HCN1: variants seen among roughly 807,000 people sequenced by gnomAD.
HCN1 encodes the protein hyperpolarization activated cyclic nucleotide gated potassium channel 1, also known as potassium/sodium hyperpolarization-activated cyclic nucleotide-gated channel 1.
In HCN1, 13 loss-of-function variants were observed where a neutral mutation model predicts 78.9. That is an observed-to-expected ratio of 0.16 (90% confidence interval 0.11 to 0.26). The LOEUF is 0.26. Among genes scored for constraint, HCN1 ranks in the 10% least tolerant of loss-of-function variants. The pLI is 1.00. For synonymous variants in HCN1, 552 were observed against 455.5 expected (o/e 1.21, Z -2.70); for missense variants, 810 against 1,154.3 (o/e 0.70, Z 4.32).
chr5:45,665,566 G>T (rs184213175), intron 1 of HCN1, among the ~76,000 whole-genome samples: 2 of 151,980 alleles, frequency 1.3e-5, no homozygotes, highest in Admixed American at 1.3e-4. Flanking sequence ...AACTTGTGAA[G>T]AAATAAATTC....
chr5:45,395,967 A>C (rs1441857715), intron 4 of HCN1, among the ~76,000 whole-genome samples: 1 of 152,176 alleles, frequency 6.6e-6, no homozygotes, highest in Non-Finnish European at 1.5e-5. Flanking sequence ...GCATCACAGC[A>C]GTTGTTATAT....
At chr5:45,430,794 C>G (rs1480754497) in intron 3 of HCN1, among the ~76,000 whole-genome samples, 1 of 152,044 alleles carries the variant, frequency 6.6e-6, no homozygotes, top group Non-Finnish European at 1.5e-5. Flanking sequence ...TGGACTCCAG[C>G]CTGGGCGACA....
Position 45,261,829 on chromosome 5 carries a change from A to C in HCN1, c.*92T>G. ...CTAAAATATCTCTTCATAGTAGGCTAGAGGGATCTATCAGGAGATAGAATA... is the reference window on the plus strand; with the variant it reads ...CTAAAATATCTCTTCATAGTAGGCTCGAGGGATCTATCAGGAGATAGAATA... On this transcript the variant is annotated 3_prime_UTR_variant, in exon 8 of 8. Transcript: ENST00000303230. 3 of 1,486,308 alleles carry C rather than the reference A, an allele frequency of 2.0e-6. No homozygotes were observed. The highest frequency in any genetic ancestry group is 2.8e-6 in the Non-Finnish European group (3 of 1,070,742). The allele number at this position is 1,486,308 out of a possible 1,614,324, so 92.1% of individuals were successfully genotyped here.
intron 2 of HCN1, chr5:45,643,066 G>A (rs1465519452): frequency 6.6e-6 from 1 of 152,060 alleles, no homozygotes; most frequent in African/African-American, 2.4e-5. Flanking sequence ...GTCTGTAAGT[G>A]CATATTAAAT....
At chr5:45,514,898 T>C (rs1479724600) in intron 2 of HCN1, among the ~76,000 whole-genome samples, 1 of 152,104 alleles carries the variant, frequency 6.6e-6, no homozygotes, top group African/African-American at 2.4e-5. Context: ...TTTCTTTCTG[T>C]TGAATTGAAA....
chr5:45,383,416 C>G (rs1747846215), intron 4 of HCN1, among the ~76,000 whole-genome samples: 1 of 152,136 alleles, frequency 6.6e-6, no homozygotes, highest in African/African-American at 2.4e-5. Flanking sequence ...CATGAGGAGG[C>G]TGGGCACGAT....
intron 5 of HCN1, among the ~76,000 whole-genome samples, chr5:45,316,908 TAA>T (rs759138274): frequency 3.9e-5 from 6 of 152,028 alleles, no homozygotes; most frequent in Admixed American, 3.3e-4. Context: ...CTCAACGAAA[TAA>T]AAGAGGATAC....
intron 3 of HCN1, among the ~76,000 whole-genome samples, chr5:45,455,435 A>G (rs1741010572): frequency 1.3e-5 from 2 of 152,074 alleles, no homozygotes; most frequent in Admixed American, 1.3e-4. Context: ...AAAGCATGTT[A>G]GAATGTAAGC....
At chr5:45,293,262 A>AT (rs1429888606) in intron 6 of HCN1, among the ~76,000 whole-genome samples, 1 of 151,942 alleles carries the variant, frequency 6.6e-6, no homozygotes, top group Non-Finnish European at 1.5e-5. Context: ...AGTATCTATA[A>AT]TTTTTTGATA....
rs546861459 is a variant in HCN1 at position 45,390,695 on chromosome 5, C to A, written c.1230+5797G>T. ...TGCCACAGTGGGTTATATCAAAATA[C>A]AAAGTTTGAAAAATCATGGGATATG... is the stretch of plus-strand genomic sequence containing the variant. On this transcript the variant is annotated intron_variant, in intron 4 of 7. Transcript: ENST00000303230. 3.3e-5 allele frequency among the ~76,000 whole-genome samples: 5 copies of A among 152,050 alleles called. No individual in the cohort carries two copies. The South Asian group carries it at 8.3e-4, about 25-fold the overall frequency.
chr5:45,323,268 T>C (rs954485163), intron 5 of HCN1, among the ~76,000 whole-genome samples: 2 of 151,882 alleles, frequency 1.3e-5, no homozygotes, highest in African/African-American at 4.8e-5. Context: ...TCACGAATGA[T>C]GTTCTTATAT....
chr5:45,432,940 T>A lies in HCN1; in HGVS notation c.1011+28906A>T, dbSNP rs375718920. Among the ~76,000 whole-genome samples, 13 of 152,242 alleles carry A rather than the reference T, an allele frequency of 8.5e-5. 1 individual carries two copies. In the South Asian group the frequency reaches 2.3e-3, roughly 27 times the overall value. On this transcript the variant is annotated intron_variant, in intron 3 of 7. Transcript: ENST00000303230. ...AGACAAGGAGCAAAGTCACAATTTA[T>A]GTCTTACATGGAGGCAGGCAAGAGA...
intron 5 of HCN1, among the ~76,000 whole-genome samples, chr5:45,343,761 G>A (rs1437776974): frequency 6.6e-6 from 1 of 151,778 alleles, no homozygotes; most frequent in African/African-American, 2.4e-5. Context: ...ATTGAAATGT[G>A]AGATAATATA....
chr5:45,325,479 T>C (rs1746217783), intron 5 of HCN1, among the ~76,000 whole-genome samples: 1 of 151,674 alleles, frequency 6.6e-6, no homozygotes, highest in Non-Finnish European at 1.5e-5. Flanking sequence ...ATAAAACATA[T>C]AACTCATAAT....
chr5:45,267,585 T>C (rs1744885282), intron 6 of HCN1, among the ~76,000 whole-genome samples: 1 of 151,850 alleles, frequency 6.6e-6, no homozygotes, highest in South Asian at 2.1e-4. Flanking sequence ...CTGGCTAACA[T>C]GGTGAAACCC....
In HCN1 at chr5:45,529,506, A is replaced by C. The variant is rs952805054; in HGVS notation, c.850-67499T>G. On this transcript the variant is annotated intron_variant, in intron 2 of 7. Transcript: ENST00000303230. The stretch of plus-strand genomic sequence containing the variant: ...TCACCTAAAATATGTCAAAGTAATA[A>C]GGAAATATTGTGTAATCTGCAGGGA... 2.0e-5 allele frequency among the ~76,000 whole-genome samples: 3 copies of C among 152,084 alleles called. No homozygotes were observed. The East Asian group carries it at 5.8e-4, about 29-fold the overall frequency.
chr5:45,289,170 A>G (rs551209449), intron 6 of HCN1, among the ~76,000 whole-genome samples: 1 of 152,204 alleles, frequency 6.6e-6, no homozygotes, highest in East Asian at 1.9e-4. Flanking sequence ...TCTTTAGTAT[A>G]AAAATATGAC....
Position 45,499,516 on chromosome 5 carries a change from A to G in HCN1, c.850-37509T>C, listed in dbSNP as rs542120454. Among the ~76,000 whole-genome samples the G allele has an allele frequency of 1.1e-4, 17 of 152,202 alleles. No individual in the cohort carries two copies. In the South Asian group the frequency reaches 1.7e-3, roughly 15 times the overall value. ...CACTCCCTAGTGAGATGAACCCGGT[A>G]CCTCAGATGGAAATGCAGAAATCAC... On this transcript the variant is annotated intron_variant, in intron 2 of 7. Transcript: ENST00000303230.
intron 2 of HCN1, chr5:45,642,314 A>T (rs993474963): frequency 3.3e-5 from 5 of 152,118 alleles, no homozygotes; most frequent in Non-Finnish European, 7.4e-5. Flanking sequence ...TTCCTCCTGT[A>T]TTAACCACTA....
Sources: gnomAD v4.1 joint callset for allele counts (sites outside exome capture counted in the v4.1 genomes callset) on GRCh38, gnomAD v4.1.1 for gene constraint, MANE v1.5 for transcripts, NCBI Gene and HGNC (gene_info 2026-07-23, HGNC 2026-07-21) for gene names.